DLC1: variants seen among roughly 807,000 people sequenced by gnomAD.
DLC1 encodes the protein DLC1 Rho GTPase activating protein.
In DLC1, 54 loss-of-function variants were observed where a neutral mutation model predicts 140.3. The observed-to-expected ratio is 0.38, with a 90% CI of 0.31 to 0.48. DLC1 has a LOEUF of 0.48. DLC1 is among the 20% of genes least tolerant of loss of function. DLC1 has a pLI of 0.96. For synonymous variants in DLC1, 986 were observed against 728.1 expected (o/e 1.35, Z -5.70); for missense variants, 2,536 against 1,907.0 (o/e 1.33, Z -6.14).
intron 8 of DLC1, 30 bp from the exon 9 acceptor site, chr8:13,100,800 A>G (rs1819010948): frequency 2.0e-6 from 3 of 1,525,778 alleles, no homozygotes; most frequent in Non-Finnish European, 1.8e-6. Flanking sequence ...CCATTCACAC[A>G]CTGGGGCTGG....
intron 2 of DLC1, among the ~76,000 whole-genome samples, chr8:13,407,718 C>T (rs2117281807): frequency 6.6e-6 from 1 of 152,302 alleles, no homozygotes; most frequent in Admixed American, 6.5e-5. Flanking sequence ...CTTCCTGACA[C>T]AAGGTTCTGG....
chr8:13,543,468 G>A (rs1554541242), intron 1 of DLC1, among the ~76,000 whole-genome samples: 1 of 152,014 alleles, frequency 6.6e-6, no homozygotes, highest in Non-Finnish European at 1.5e-5. Context: ...TCAAATTGTA[G>A]ATCTATTTTT....
chr8:13,361,620 T>G (rs1835231658), intron 4 of DLC1, among the ~76,000 whole-genome samples: 1 of 152,116 alleles, frequency 6.6e-6, no homozygotes, highest in African/African-American at 2.4e-5. Flanking sequence ...TCATTTTAAA[T>G]AAGTAGAATG....
At chr8:13,567,329 G>T (rs772088115) in intron 1 of DLC1, 1 of 1,551,590 alleles carries the variant, frequency 6.4e-7, no homozygotes, top group Admixed American at 2.0e-5. Context: ...GAAATCACTC[G>T]GGTATCAGAT....
intron 5 of DLC1, among the ~76,000 whole-genome samples, chr8:13,138,870 C>T (rs1822761909): frequency 6.6e-6 from 1 of 152,150 alleles, no homozygotes; most frequent in Admixed American, 6.5e-5. Context: ...AATTAATTCA[C>T]CACCATTTAA....
intron 5 of DLC1, among the ~76,000 whole-genome samples, chr8:13,294,293 G>A (rs1048079582): frequency 6.6e-6 from 1 of 152,176 alleles, no homozygotes; most frequent in Non-Finnish European, 1.5e-5. Context: ...GCACCGTACT[G>A]TGCTACATCA....
intron 5 of DLC1, among the ~76,000 whole-genome samples, chr8:13,181,236 T>C (rs1203390558): frequency 6.6e-6 from 1 of 152,080 alleles, no homozygotes; most frequent in Non-Finnish European, 1.5e-5. Flanking sequence ...TGGAAAGCTC[T>C]TCCCCCAGCA....
chr8:13,414,719 A>G (rs946337945), intron 2 of DLC1, among the ~76,000 whole-genome samples: 2 of 152,238 alleles, frequency 1.3e-5, no homozygotes, highest in Non-Finnish European at 2.9e-5. Context: ...TGTGAGTTAA[A>G]GCAAACATTC....
chr8:13,201,024 G>T (rs1385181347), intron 5 of DLC1, among the ~76,000 whole-genome samples: 1 of 152,110 alleles, frequency 6.6e-6, no homozygotes, highest in African/African-American at 2.4e-5. Flanking sequence ...AGTACAGTGG[G>T]TTTCATGTGG....
intron 2 of DLC1, among the ~76,000 whole-genome samples, chr8:13,459,096 C>T (rs1171555775): frequency 6.6e-6 from 1 of 152,066 alleles, no homozygotes; most frequent in Non-Finnish European, 1.5e-5. Context: ...CCTAATGAAC[C>T]ATAGTTTGAT....
chr8:13,253,365 T>G (rs1037593361), intron 5 of DLC1, among the ~76,000 whole-genome samples: 1 of 152,178 alleles, frequency 6.6e-6, no homozygotes, highest in African/African-American at 2.4e-5. Context: ...TCGTTCATTG[T>G]GAGAGGACTT....
chr8:13,325,662 A>C (rs946248076), intron 4 of DLC1, among the ~76,000 whole-genome samples: 12 of 152,192 alleles, frequency 7.9e-5, no homozygotes, highest in African/African-American at 1.7e-4. Flanking sequence ...GGAAAATGCT[A>C]TAACGATTTA....
rs111791281 is a variant in DLC1, at chr8:13,237,721, G to T, written c.1348+67548C>A. 3.9e-4 allele frequency among the ~76,000 whole-genome samples: 60 copies of T among 152,094 alleles called. 1 individual carries two copies. Among genetic ancestry groups the T allele is most frequent in the Non-Finnish European group, 3.4e-4 (23 of 68,028 alleles). ...AGAGGATGCACATATGCTATTCCGG[G>T]AGATGGTCAAGCTTTTTCTATTGTT... On this transcript the variant is annotated intron_variant, in intron 5 of 17. Transcript: ENST00000276297.
intron 2 of DLC1, among the ~76,000 whole-genome samples, chr8:13,431,361 TA>T (rs1263546416): frequency 6.6e-6 from 1 of 151,456 alleles, no homozygotes; most frequent in Non-Finnish European, 1.5e-5. Context: ...CGGGTGCCTG[TA>T]GTCCCAGCTA....
At chr8:13,307,633 G>A (rs1389437785) in intron 4 of DLC1, among the ~76,000 whole-genome samples, 2 of 152,120 alleles carry the variant, frequency 1.3e-5, no homozygotes, top group Admixed American at 1.3e-4. Context: ...TTTTCAACAA[G>A]ACTGGAAAAG....
chr8:13,102,455 T>C (rs780205569), intron 8 of DLC1, among the ~76,000 whole-genome samples: 4 of 152,174 alleles, frequency 2.6e-5, no homozygotes, highest in Non-Finnish European at 5.9e-5. Flanking sequence ...GAAATAAACC[T>C]CAGTTTATTT....
intron 2 of DLC1, among the ~76,000 whole-genome samples, chr8:13,459,033 C>G (rs1256020034): frequency 1.3e-5 from 2 of 152,192 alleles, no homozygotes; most frequent in Admixed American, 6.5e-5. Context: ...CAATCTATTT[C>G]TTGCATCCAG....
intron 2 of DLC1, among the ~76,000 whole-genome samples, chr8:13,445,983 C>A (rs78868205): frequency 0.011 from 1,640 of 152,190 alleles, 37 homozygotes; most frequent in African/African-American, 0.037. Context: ...TAAGTCCTTA[C>A]TTGGTCATAC....
In DLC1 at chr8:13,446,532, T is replaced by C. The variant is rs549605552; in HGVS notation, c.1024-44913A>G. On this transcript the variant is annotated intron_variant, in intron 2 of 17. Transcript: ENST00000276297. ...CCAGTGAACTTTGGCTTTGTGTACA[T>C]AGAAAGAAGGAGAGAAGAAAAGAAA... Among the ~76,000 whole-genome samples the C allele has an allele frequency of 7.3e-5, 10 of 137,792 alleles. No homozygotes were observed. The South Asian group carries it at 2.3e-3, about 31-fold the overall frequency. The allele number at this position is 137,792 out of a possible 152,430, so 90.4% of individuals were successfully genotyped here.
Sources: gnomAD v4.1 joint callset for allele counts (sites outside exome capture counted in the v4.1 genomes callset) on GRCh38, gnomAD v4.1.1 for gene constraint, MANE v1.5 for transcripts, NCBI Gene and HGNC (gene_info 2026-07-23, HGNC 2026-07-21) for gene names.